Variants in CACNA1S observed in about 807,000 individuals in gnomAD.
CACNA1S encodes the protein voltage-dependent L-type calcium channel subunit alpha-1S.
Under a neutral mutation model 207.4 loss-of-function variants are expected in CACNA1S, and 126 were observed. That is an observed-to-expected ratio of 0.61 (90% CI 0.53 to 0.70). CACNA1S has a LOEUF of 0.70. Among genes scored for constraint, CACNA1S ranks in the 30% least tolerant of loss-of-function variants. The probability of loss-of-function intolerance (pLI) is 0.00; values close to 1 mark genes in which losing one functional copy is unlikely to be tolerated. For synonymous variants in CACNA1S, 960 were observed against 932.7 expected (o/e 1.03, Z -0.53); for missense variants, 2,349 against 2,422.8 (o/e 0.97, Z 0.64).
chr1:201,039,949 C>T lies in CACNA1S; in HGVS notation c.5504G>A (p.Gly1835Glu). 2 of 1,614,202 alleles carry T rather than the reference C, an allele frequency of 1.2e-6. No individual in the cohort carries two copies. The highest frequency in any genetic ancestry group is 1.3e-5 in the African/African-American group (1 of 75,030). ...GGCCATGCCCTCTGGGGCCTCTCGT[C>T]CTTTCAGTAGCTCTGTTGCCATGAT... is the stretch of plus-strand genomic sequence containing the variant. ...VEIMATELLK[G>E]REAPEGMASS... Residue 1835 changes from glycine (G) to glutamate (E), a missense_variant, in exon 44 of 44, where the codon GGA (glycine) becomes GAA (glutamate). Coordinates refer to ENST00000362061, the MANE Select transcript of CACNA1S (RefSeq NM_000069.3).
chr1:201,097,958 C>T (rs1449818915), intron 2 of CACNA1S, among the ~76,000 whole-genome samples: 1 of 152,128 alleles, frequency 6.6e-6, no homozygotes, highest in Non-Finnish European at 1.5e-5. Flanking sequence ...TCACTTTTTT[C>T]TTTCTTTCAG....
intron 2 of CACNA1S, among the ~76,000 whole-genome samples, chr1:201,096,319 C>T (rs548007069): frequency 4.6e-5 from 7 of 152,316 alleles, no homozygotes; most frequent in African/African-American, 1.7e-4. Context: ...TGTGAGCCCC[C>T]GTTCCGGAGG....
chr1:201,073,882 C>T lies in CACNA1S; in HGVS notation c.2064-240G>A, dbSNP rs139841043. Among the ~76,000 whole-genome samples, 444 of 152,268 alleles carry T rather than the reference C, an allele frequency of 2.9e-3. 2 individuals carry two copies. The highest frequency in any genetic ancestry group is 4.5e-3 in the Non-Finnish European group (305 of 68,016). On this transcript the variant is annotated intron_variant, in intron 14 of 43. Coordinates refer to ENST00000362061, the MANE Select transcript of CACNA1S (RefSeq NM_000069.3). ...TGGCTCACTGGTCAGCCATGTTTAA[C>T]GTTGGTTGATAGTGAATGGGTGGAG...
Position 201,040,599 on chromosome 1 carries a change from TC to T in CACNA1S, c.5226+22del, listed in dbSNP as rs777591654. Reference sequence around the variant, plus strand: ...GGCAGGGTCTCTGTATGGAGTTTGCTCCCAGGCCTCTGCCACTGTTACCTGG... The same window carrying T: ...GGCAGGGTCTCTGTATGGAGTTTGCTCCAGGCCTCTGCCACTGTTACCTGG... On this transcript the variant is annotated intron_variant, in intron 42 of 43. Transcript: ENST00000362061. 63 of 1,605,178 alleles carry T rather than the reference TC, an allele frequency of 3.9e-5. No individual in the cohort carries two copies. In the South Asian group the frequency reaches 6.7e-4, roughly 17 times the overall value.
At position 201,053,307 on chromosome 1, in the gene CACNA1S, T is replaced by G; in HGVS notation, c.3796-33A>C. 6.2e-7 allele frequency: 1 copy of G among 1,613,444 alleles called. No homozygotes were observed. The highest frequency in any genetic ancestry group is 8.5e-7 in the Non-Finnish European group (1 of 1,179,486). On this transcript the variant is annotated intron_variant, in intron 30 of 43. Coordinates refer to ENST00000362061, the MANE Select transcript of CACNA1S (RefSeq NM_000069.3). This position sits in a 1 kb window ranked among gnomAD's most constrained non-coding sequence, Gnocchi z 5.1. Reference sequence around the variant, plus strand: ...GCGGGCGGGAGCGCCAGTCAGTGTCTTAGGGCTCCACTGTGTGTCTGCAGC... The same window carrying G: ...GCGGGCGGGAGCGCCAGTCAGTGTCGTAGGGCTCCACTGTGTGTCTGCAGC...
At chr1:201,076,553 C>T (rs556658851) in intron 12 of CACNA1S, among the ~76,000 whole-genome samples, 4 of 152,324 alleles carry the variant, frequency 2.6e-5, no homozygotes, top group African/African-American at 7.2e-5. Flanking sequence ...TCTCAGCCTT[C>T]GGGAGAAAAA....
chr1:201,060,067 T>C (rs1342494969), intron 26 of CACNA1S, among the ~76,000 whole-genome samples: 1 of 152,198 alleles, frequency 6.6e-6, no homozygotes, highest in African/African-American at 2.4e-5. Flanking sequence ...GCCTCCTGGC[T>C]CAGTGATTGT....
In CACNA1S at chr1:201,064,238, A is replaced by G. The variant is rs139460517; in HGVS notation, c.2853+1600T>C. ...ACACTGCCCTCAGGGGATTCTGGGG[A>G]CCCAAGCTTGGCAGAGGAGGGGGCT... On this transcript the variant is annotated intron_variant, in intron 22 of 43. Transcript: ENST00000362061. Among the ~76,000 whole-genome samples, 1,039 of 152,122 alleles carry G rather than the reference A, an allele frequency of 6.8e-3. 17 individuals carry two copies. Among genetic ancestry groups the G allele is most frequent in the African/African-American group, 0.024 (981 of 41,514 alleles).
intron 2 of CACNA1S, among the ~76,000 whole-genome samples, chr1:201,104,825 G>A (rs1380056739): frequency 2.0e-5 from 3 of 152,238 alleles, no homozygotes; most frequent in Non-Finnish European, 4.4e-5. Flanking sequence ...GCCTGGCCTA[G>A]GCTGGAATGG....
chr1:201,076,856 T>C, intron 12 of CACNA1S, 64 bp downstream of exon 12: 1 of 1,476,046 alleles, frequency 6.8e-7, no homozygotes, highest in Non-Finnish European at 9.5e-7. Flanking sequence ...ACCTTGATCT[T>C]GAAGGACAAG....
At position 201,050,524 on chromosome 1, in the gene CACNA1S, A is replaced by G. The variant is rs373675720; in HGVS notation, c.4114-8T>C. ...CACAAAGAGGTTGATGACCTGCAAGAGAAGAACCAAGGGGTCCCAACACAG... is the reference window on the plus strand; with the variant it reads ...CACAAAGAGGTTGATGACCTGCAAGGGAAGAACCAAGGGGTCCCAACACAG... On this transcript the variant is annotated splice_region_variant and splice_polypyrimidine_tract_variant and intron_variant, in intron 33 of 43. Transcript: ENST00000362061. 1,738 of 1,613,904 alleles carry G rather than the reference A, an allele frequency of 1.1e-3. No individual in the cohort carries two copies. The highest frequency in any genetic ancestry group is 1.4e-3 in the Non-Finnish European group (1,682 of 1,179,972).
chr1:201,088,330 TATTCCCAACCATCTA>T (rs1662105957), intron 6 of CACNA1S, among the ~76,000 whole-genome samples: 2 of 152,220 alleles, frequency 1.3e-5, no homozygotes, highest in African/African-American at 4.8e-5. Flanking sequence ...CTCTGAGCAT[TATTCCCAACCATCTA>T]ATGGCGATAA....
intron 28 of CACNA1S, among the ~76,000 whole-genome samples, chr1:201,055,630 T>G (rs962553901): frequency 6.6e-6 from 1 of 152,222 alleles, no homozygotes; most frequent in African/African-American, 2.4e-5. Context: ...CAAGTAGACA[T>G]GTGTGGCTAG....
chr1:201,065,971 C>A, intron 21 of CACNA1S, 26 bp from the exon 22 acceptor site: 1 of 1,510,866 alleles, frequency 6.6e-7, no homozygotes, highest in Non-Finnish European at 9.2e-7. Flanking sequence ...CCAATGGGGA[C>A]TGGGGGTGCA....
intron 2 of CACNA1S, among the ~76,000 whole-genome samples, chr1:201,102,106 A>G (rs567422695): frequency 6.6e-6 from 1 of 152,268 alleles, no homozygotes; most frequent in African/African-American, 2.4e-5. Flanking sequence ...CCAGTGGAGG[A>G]CGAACACTGA....
At chr1:201,077,241 G>A in intron 11 of CACNA1S, 114 bp from the exon 12 acceptor site, 1 of 870,798 alleles carries the variant, frequency 1.1e-6, no homozygotes, top group Non-Finnish European at 1.9e-6. Flanking sequence ...GAGGGAGGGG[G>A]CTGCCTCACT....
At chr1:201,070,525 C>T (rs1474096090) in intron 16 of CACNA1S, 121 bp from the exon 17 acceptor site, 18 of 1,358,904 alleles carry the variant, frequency 1.3e-5, no homozygotes, top group Non-Finnish European at 1.9e-5. Context: ...ACCAGGCTGA[C>T]TTGGGACCCT....
chr1:201,060,561 C>G, intron 26 of CACNA1S, 97 bp downstream of exon 26: 1 of 1,324,970 alleles, frequency 7.5e-7, no homozygotes, highest in South Asian at 1.2e-5. Context: ...GAAATGTCTA[C>G]TGGGGGGAAT....
intron 22 of CACNA1S, 127 bp from the exon 23 acceptor site, chr1:201,062,641 G>A (rs1661102976): frequency 1.2e-6 from 1 of 813,908 alleles, no homozygotes; most frequent in African/African-American, 1.7e-5. Context: ...AGGAGCCCAA[G>A]CCCATCTCTT....
Sources: allele counts gnomAD v4.1 joint callset (sites outside exome capture counted in the v4.1 genomes callset), GRCh38; gene constraint gnomAD v4.1.1; non-coding constraint Gnocchi (gnomAD v3.1); transcripts MANE v1.5; gene names NCBI Gene and HGNC (gene_info 2026-07-23, HGNC 2026-07-21).